POT1: variants seen among roughly 807,000 people sequenced by gnomAD.
The protein encoded by POT1 is protection of telomeres protein 1.
In POT1, 47 loss-of-function variants were observed where a neutral mutation model predicts 78.5. The ratio of observed to expected loss-of-function variants is 0.60; its 90% CI spans 0.47 to 0.76. The LOEUF (loss-of-function observed/expected upper bound fraction) is 0.76. POT1 is among the 30% of genes least tolerant of loss of function. POT1 has a pLI of 0.00. For missense variants in POT1, 646 were observed against 749.9 expected, an observed-to-expected ratio of 0.86 and a Z score of 1.62; for synonymous variants, 259 against 260.7, an observed-to-expected ratio of 0.99 and a Z score of 0.06.
At chr7:124,903,174 C>T (rs1228910972) in intron 3 of POT1, among the ~76,000 whole-genome samples, 6 of 152,120 alleles carry the variant, frequency 3.9e-5, no homozygotes, top group African/African-American at 1.4e-4. Context: ...ACCAAGCGGA[C>T]CTAATAGACA....
chr7:124,836,363 AG>A (rs971058681), intron 14 of POT1, among the ~76,000 whole-genome samples: 24 of 152,294 alleles, frequency 1.6e-4, no homozygotes, highest in African/African-American at 5.3e-4. Flanking sequence ...ACTGGAAGCC[AG>A]AGTTCTGCTA....
At chr7:124,885,293 C>CAAAA (rs11372618) in intron 6 of POT1, among the ~76,000 whole-genome samples, 6,320 of 62,382 alleles carry the variant, frequency 0.1, 315 homozygotes, top group Non-Finnish European at 0.15. Context: ...TCCATCTCTC[C>CAAAA]AAAAAAAAAA....
In POT1 at chr7:124,887,144, A is replaced by G. The variant is rs186432379; in HGVS notation, c.124+5122T>C. On this transcript the variant is annotated intron_variant, in intron 6 of 18. Transcript: ENST00000357628. ...AAATTGATGGGGAGAGGAAACTACTAAGGGAAAAGTATGTGAGTTTATGTT... is the reference window on the plus strand; with the variant it reads ...AAATTGATGGGGAGAGGAAACTACTGAGGGAAAAGTATGTGAGTTTATGTT... Among the ~76,000 whole-genome samples the G allele has an allele frequency of 1.2e-3, 177 of 152,226 alleles. 1 individual carries two copies. Among genetic ancestry groups the G allele is most frequent in the African/African-American group, 3.9e-3 (162 of 41,564 alleles).
chr7:124,886,685 C>T (rs4360236), intron 6 of POT1, among the ~76,000 whole-genome samples: 27,867 of 151,856 alleles, frequency 0.18, 3,095 homozygotes, highest in African/African-American at 0.3. Context: ...TTTTTTACTA[C>T]GGGACTGCAG....
intron 6 of POT1, among the ~76,000 whole-genome samples, chr7:124,871,623 G>T (rs1263358715): frequency 6.6e-6 from 1 of 151,802 alleles, no homozygotes; most frequent in African/African-American, 2.4e-5. Context: ...ACAAAAGAGA[G>T]GTATTTTTAA....
Position 124,829,399 on chromosome 7 carries a change from T to C in POT1, c.1506-57A>G, listed in dbSNP as rs903593962. ...TTTAAAAATAATTTAGCTTGTTTGT[T>C]ATAACTTTTTACTGCTCAAACATGT... is the stretch of plus-strand genomic sequence containing the variant. On this transcript the variant is annotated intron_variant, in intron 15 of 18. Coordinates refer to ENST00000357628, the MANE Select transcript of POT1 (RefSeq NM_015450.3). The C allele has an allele frequency of 4.0e-5, 46 of 1,147,894 alleles. No individual in the cohort carries two copies. The African/African-American group carries it at 6.8e-4, about 17-fold the overall frequency. The allele number at this position is 1,147,894 out of a possible 1,614,324, so 71.1% of individuals were successfully genotyped here.
At chr7:124,856,657 CAGAA>C (rs1488392009) in intron 9 of POT1, among the ~76,000 whole-genome samples, 1 of 152,064 alleles carries the variant, frequency 6.6e-6, no homozygotes, top group Non-Finnish European at 1.5e-5. Flanking sequence ...AAAGCGGAAA[CAGAA>C]AGACCTACAT....
chr7:124,902,314 TA>T (rs1796641944), intron 3 of POT1, among the ~76,000 whole-genome samples: 1 of 152,148 alleles, frequency 6.6e-6, no homozygotes, highest in Non-Finnish European at 1.5e-5. Context: ...CCCATCAGAC[TA>T]ATAGTGGATC....
intron 6 of POT1, among the ~76,000 whole-genome samples, chr7:124,885,139 G>A (rs538313259): frequency 3.0e-4 from 45 of 152,084 alleles, no homozygotes; most frequent in African/African-American, 1.1e-3. Flanking sequence ...AGCACAGTAC[G>A]TATCATTGAT....
chr7:124,899,084 T>C (rs1273714686), intron 3 of POT1, among the ~76,000 whole-genome samples: 2 of 152,160 alleles, frequency 1.3e-5, no homozygotes, highest in African/African-American at 4.8e-5. Context: ...CCTTCAATAA[T>C]TTAAAACTCT....
chr7:124,927,794 T>G (rs774283690), intron 2 of POT1, among the ~76,000 whole-genome samples: 2 of 152,172 alleles, frequency 1.3e-5, no homozygotes, highest in Non-Finnish European at 2.9e-5. Context: ...TCCCTAAGTA[T>G]GTACCCCCTA....
intron 12 of POT1, among the ~76,000 whole-genome samples, chr7:124,843,589 A>G (rs1795084711): frequency 6.6e-6 from 1 of 152,124 alleles, no homozygotes; most frequent in African/African-American, 2.4e-5. Flanking sequence ...AAGCATTAGG[A>G]GCAATTGCCT....
chr7:124,864,817 T>C (rs528600140), intron 7 of POT1, among the ~76,000 whole-genome samples: 18 of 152,316 alleles, frequency 1.2e-4, no homozygotes, highest in Middle Eastern at 3.4e-3. Flanking sequence ...TTATTGGTTT[T>C]GCTTTAAATA....
At position 124,859,037 on chromosome 7, in the gene POT1, T is replaced by C; in HGVS notation, c.622A>G (p.Ser208Gly). The change falls in exon 9 of 19, where the codon AGT (serine) becomes GGT (glycine). Residue 208 changes from serine to glycine, a missense_variant. Transcript: ENST00000357628. Reference protein sequence around the residue: ...IQDLVLEGDLSHIHRLQNLTI... With the variant: ...IQDLVLEGDLGHIHRLQNLTI... ...AGATTTTGTAGCCGATGGATGTGAC[T>C]TAAATCACCTTCAAGAACAAGGTCT... 6.2e-7 allele frequency: 1 copy of C among 1,610,934 alleles called. No homozygotes were observed. Among genetic ancestry groups the C allele is most frequent in the Non-Finnish European group, 8.5e-7 (1 of 1,177,738 alleles).
intron 8 of POT1, among the ~76,000 whole-genome samples, chr7:124,861,601 C>T (rs1438190710): frequency 6.6e-6 from 1 of 151,962 alleles, no homozygotes; most frequent in Non-Finnish European, 1.5e-5. Context: ...AGCTCTTTAA[C>T]TTTGTCAATT....
chr7:124,825,168 A>G, intron 18 of POT1, 84 bp downstream of exon 18: 1 of 781,630 alleles, frequency 1.3e-6, no homozygotes, highest in Non-Finnish European at 2.0e-6. Flanking sequence ...AAGCTTTCAG[A>G]CTTCTAAAAG....
chr7:124,883,775 G>C (rs1232833116), intron 6 of POT1, among the ~76,000 whole-genome samples: 1 of 151,258 alleles, frequency 6.6e-6, no homozygotes, highest in Non-Finnish European at 1.5e-5. Flanking sequence ...ACTGCAAAAG[G>C]CTTTTTTGTT....
chr7:124,827,323 G>A lies in POT1; in HGVS notation c.1595-18C>T. 1 of 1,450,856 alleles carries A rather than the reference G, an allele frequency of 6.9e-7. No homozygotes were observed. Among genetic ancestry groups the A allele is most frequent in the Non-Finnish European group, 9.6e-7 (1 of 1,045,508 alleles). The allele number at this position is 1,450,856 out of a possible 1,614,324, so 89.9% of individuals were successfully genotyped here. ...ACCCAGTGCTAGTGAAGGAAAAAAA[G>A]ATCAAACCATATGAGTCTGCTATTC... On this transcript the variant is annotated intron_variant, in intron 16 of 18. Transcript: ENST00000357628.
chr7:124,829,967 G>C (rs1417726897), intron 15 of POT1, among the ~76,000 whole-genome samples: 4 of 151,982 alleles, frequency 2.6e-5, no homozygotes. Flanking sequence ...CAAAGTACTG[G>C]GATTACAGGT....
Sources: gnomAD v4.1 joint callset for allele counts (sites outside exome capture counted in the v4.1 genomes callset) on GRCh38, gnomAD v4.1.1 for gene constraint, MANE v1.5 for transcripts, NCBI Gene and HGNC (gene_info 2026-07-23, HGNC 2026-07-21) for gene names.